GABRA2: variants seen among roughly 807,000 people sequenced by gnomAD.
GABRA2 encodes gamma-aminobutyric acid receptor subunit alpha-2.
Under a neutral mutation model 48.7 loss-of-function variants are expected in GABRA2, and 16 were observed. The ratio of observed to expected loss-of-function variants is 0.33; its 90% confidence interval spans 0.22 to 0.50. The LOEUF is 0.50. GABRA2 is among the 20% of genes least tolerant of loss of function. The pLI is 0.98. For missense variants in GABRA2, 275 were observed against 535.6 expected (o/e 0.51, Z 4.80); for synonymous variants, 185 against 184.5 (o/e 1.00, Z -0.02).
chr4:46,351,995 A>ATT (rs1560566540), intron 3 of GABRA2, among the ~76,000 whole-genome samples: 1 of 150,638 alleles, frequency 6.6e-6, no homozygotes, highest in African/African-American at 2.4e-5. Context: ...TTACCTGTCC[A>ATT]CTTACTTGTT....
intron 8 of GABRA2, among the ~76,000 whole-genome samples, chr4:46,267,848 T>G (rs1420939993): frequency 6.6e-6 from 1 of 152,032 alleles, no homozygotes; most frequent in African/African-American, 2.4e-5. Context: ...CTCCAAAATC[T>G]GAAATGTTTC....
intron 8 of GABRA2, among the ~76,000 whole-genome samples, chr4:46,286,489 G>A (rs1340246033): frequency 2.0e-5 from 3 of 149,328 alleles, no homozygotes; most frequent in Non-Finnish European, 4.4e-5. Flanking sequence ...AGGGTCTTAC[G>A]GTAATTCTCT....
At position 46,250,256 on chromosome 4, in the gene GABRA2, AC is replaced by A; in HGVS notation, c.*51del. Reference sequence around the variant, plus strand: ...TATTAGTCAGACTGTACATAGCAAAACAAACCAAATTTAATGTTGCTATACA... The same window carrying A: ...TATTAGTCAGACTGTACATAGCAAAAAAACCAAATTTAATGTTGCTATACA... On this transcript the variant is annotated 3_prime_UTR_variant, in exon 10 of 10. Transcript: ENST00000381620. 1.3e-6 allele frequency: 2 copies of A among 1,524,320 alleles called. No individual in the cohort carries two copies. 94.4% of individuals were successfully genotyped at this position (1,524,320 alleles called of 1,614,324 possible).
At chr4:46,376,818 G>C (rs969007250) in intron 3 of GABRA2, among the ~76,000 whole-genome samples, 1 of 151,554 alleles carries the variant, frequency 6.6e-6, no homozygotes, top group Non-Finnish European at 1.5e-5. Flanking sequence ...CTCTGATGCC[G>C]AGCTGAAGCT....
At chr4:46,358,566 G>A (rs1176328896) in intron 3 of GABRA2, among the ~76,000 whole-genome samples, 1 of 152,106 alleles carries the variant, frequency 6.6e-6, no homozygotes, top group African/African-American at 2.4e-5. Context: ...CACAGAATTT[G>A]CACCTCTTTA....
intron 4 of GABRA2, among the ~76,000 whole-genome samples, chr4:46,318,170 A>G (rs1270382570): frequency 4.6e-5 from 7 of 151,460 alleles, no homozygotes; most frequent in African/African-American, 1.7e-4. Flanking sequence ...TAAACCATTT[A>G]AACATTAATT....
At chr4:46,362,335 T>A (rs1167736539) in intron 3 of GABRA2, among the ~76,000 whole-genome samples, 1 of 152,158 alleles carries the variant, frequency 6.6e-6, no homozygotes, top group African/African-American at 2.4e-5. Flanking sequence ...GCCATCCATG[T>A]AAGATGTGAC....
intron 3 of GABRA2, among the ~76,000 whole-genome samples, chr4:46,357,881 A>G (rs928806530): frequency 6.6e-6 from 1 of 151,874 alleles, no homozygotes; most frequent in African/African-American, 2.4e-5. Flanking sequence ...GATGGTCTCA[A>G]TCTCTTGACT....
chr4:46,338,590 G>C (rs531697683), intron 3 of GABRA2, among the ~76,000 whole-genome samples: 157 of 151,906 alleles, frequency 1.0e-3, no homozygotes, highest in Non-Finnish European at 1.9e-3. Context: ...CCCAAAGTGA[G>C]GTATCCACAA....
intron 8 of GABRA2, among the ~76,000 whole-genome samples, chr4:46,266,803 C>T (rs137892184): frequency 7.1e-6 from 1 of 141,002 alleles, no homozygotes; most frequent in East Asian, 2.2e-4. Context: ...CTTACTGCAA[C>T]CTTTGCCTCC....
intron 6 of GABRA2, among the ~76,000 whole-genome samples, chr4:46,307,049 T>TC (rs1174691228): frequency 1.3e-5 from 2 of 152,076 alleles, no homozygotes; most frequent in Non-Finnish European, 2.9e-5. Flanking sequence ...TAAATTACAT[T>TC]ATGTGAAGCA....
chr4:46,360,936 G>A (rs1263253997), intron 3 of GABRA2, among the ~76,000 whole-genome samples: 2 of 152,184 alleles, frequency 1.3e-5, no homozygotes, highest in African/African-American at 4.8e-5. Flanking sequence ...GTGGCACTCT[G>A]AACTTGAGAA....
In GABRA2 at chr4:46,375,519, C is replaced by T. The variant is rs186191840; in HGVS notation, c.187+10555G>A. Among the ~76,000 whole-genome samples the T allele has an allele frequency of 1.6e-4, 24 of 152,202 alleles. No individual in the cohort carries two copies. The East Asian group carries it at 4.4e-3, about 28-fold the overall frequency. On this transcript the variant is annotated intron_variant, in intron 3 of 9. Coordinates refer to ENST00000381620, the MANE Select transcript of GABRA2 (RefSeq NM_000807.4). ...AAGTTTCTATTGGAATTAACACGGT[C>T]TTAGTACTTTTGGGAATGCCACACT...
chr4:46,321,204 G>T (rs1456489528), intron 4 of GABRA2, among the ~76,000 whole-genome samples: 3 of 151,892 alleles, frequency 2.0e-5, no homozygotes, highest in Non-Finnish European at 4.4e-5. Context: ...TGAATACATA[G>T]AATAAAATGT....
At chr4:46,370,065 G>C (rs1484639933) in intron 3 of GABRA2, among the ~76,000 whole-genome samples, 1 of 152,042 alleles carries the variant, frequency 6.6e-6, no homozygotes, top group Non-Finnish European at 1.5e-5. Context: ...CAAGTAGTAA[G>C]AGATGGAACC....
rs1713850214 is a variant in GABRA2, at chr4:46,247,124, A to G, written c.*3184T>C. 6.6e-6 allele frequency among the ~76,000 whole-genome samples: 1 copy of G among 151,344 alleles called. No homozygotes were observed. Among genetic ancestry groups the G allele is most frequent in the Admixed American group, 6.6e-5 (1 of 15,122 alleles). Reference sequence around the variant, plus strand: ...ATGGCTCAAGGGGATCACTTATCCAAACCTGAGATAAATTCAAAATAGAGA... The same window carrying G: ...ATGGCTCAAGGGGATCACTTATCCAGACCTGAGATAAATTCAAAATAGAGA... On this transcript the variant is annotated 3_prime_UTR_variant, in exon 10 of 10. Transcript: ENST00000381620.
chr4:46,280,450 A>G (rs1180798246), intron 8 of GABRA2, among the ~76,000 whole-genome samples: 4 of 152,034 alleles, frequency 2.6e-5, no homozygotes, highest in Admixed American at 6.6e-5. Context: ...CAGAAGTTCA[A>G]CTTTGAGGGG....
At chr4:46,385,543 T>A (rs1483140387) in intron 3 of GABRA2, among the ~76,000 whole-genome samples, 1 of 152,114 alleles carries the variant, frequency 6.6e-6, no homozygotes, top group Admixed American at 6.5e-5. Context: ...CTGAAATGTC[T>A]TTGAAAGTTT....
chr4:46,370,848 C>A lies in GABRA2; in HGVS notation c.187+15226G>T, dbSNP rs532485082. Among the ~76,000 whole-genome samples, 138 of 152,068 alleles carry A rather than the reference C, an allele frequency of 9.1e-4. 1 individual carries two copies. The South Asian group carries it at 0.028, about 31-fold the overall frequency. ...CAAAGAAAAAATTGGTTTTAGATTT[C>A]TGTTCCAAGAACCCTATTTTCTACT... On this transcript the variant is annotated intron_variant, in intron 3 of 9. Transcript: ENST00000381620.
Sources: allele counts gnomAD v4.1 joint callset (sites outside exome capture counted in the v4.1 genomes callset), GRCh38; gene constraint gnomAD v4.1.1; transcripts MANE v1.5; gene names NCBI Gene and HGNC (gene_info 2026-07-23, HGNC 2026-07-21).